The following CNTNAP5 variants were observed in gnomAD, a reference collection of about 807,000 sequenced individuals.
CNTNAP5 encodes contactin-associated protein-like 5.
Under a neutral mutation model 150.2 loss-of-function variants are expected in CNTNAP5, and 72 were observed. The ratio of observed to expected loss-of-function variants is 0.48; its 90% CI spans 0.40 to 0.58. The LOEUF (loss-of-function observed/expected upper bound fraction) is 0.58. Among genes scored for constraint, CNTNAP5 ranks in the 20% least tolerant of loss-of-function variants. CNTNAP5 has a pLI of 0.00. For synonymous variants in CNTNAP5, 672 were observed against 619.8 expected (o/e 1.08, Z -1.25); for missense variants, 1,636 against 1,626.2 (o/e 1.01, Z -0.10).
intron 1 of CNTNAP5, among the ~76,000 whole-genome samples, chr2:124,096,026 C>T (rs575320638): frequency 6.6e-6 from 1 of 152,274 alleles, no homozygotes; most frequent in Admixed American, 6.5e-5. Context: ...TCAAACTGCT[C>T]TTAAAGATTT....
chr2:124,565,155 A>G (rs751603483), intron 11 of CNTNAP5, among the ~76,000 whole-genome samples: 4 of 152,220 alleles, frequency 2.6e-5, no homozygotes, highest in African/African-American at 9.6e-5. Flanking sequence ...GATGATGTCC[A>G]TAGGGAAGTC....
At chr2:124,480,905 T>C (rs1248136291) in intron 7 of CNTNAP5, among the ~76,000 whole-genome samples, 1 of 152,132 alleles carries the variant, frequency 6.6e-6, no homozygotes, top group East Asian at 1.9e-4. Flanking sequence ...TTCAGGAAAA[T>C]TGGAATTAAA....
At chr2:124,577,774 C>G (rs557626206) in intron 11 of CNTNAP5, among the ~76,000 whole-genome samples, 360 of 152,212 alleles carry the variant, frequency 2.4e-3, no homozygotes, top group South Asian at 9.1e-3. Flanking sequence ...TTGAGCCAAA[C>G]CCTGTGGCAT....
intron 3 of CNTNAP5, among the ~76,000 whole-genome samples, chr2:124,260,884 C>A (rs371340164): frequency 1.3e-5 from 2 of 152,084 alleles, no homozygotes; most frequent in African/African-American, 4.8e-5. Flanking sequence ...TATAGACACA[C>A]GTACACAAAT....
chr2:124,309,201 T>C (rs1688764760), intron 3 of CNTNAP5, among the ~76,000 whole-genome samples: 1 of 152,200 alleles, frequency 6.6e-6, no homozygotes, highest in African/African-American at 2.4e-5. Flanking sequence ...TTAAAACGTC[T>C]TGCTGTACTG....
chr2:124,723,346 G>A (rs1341271999), intron 13 of CNTNAP5, among the ~76,000 whole-genome samples: 1 of 151,996 alleles, frequency 6.6e-6, no homozygotes, highest in Admixed American at 6.6e-5. Context: ...TCAATTTCCA[G>A]TAACATGCTC....
At chr2:124,471,775 G>C (rs1693521712) in intron 6 of CNTNAP5, among the ~76,000 whole-genome samples, 1 of 151,936 alleles carries the variant, frequency 6.6e-6, no homozygotes, top group Admixed American at 6.6e-5. Context: ...TAACATGAAG[G>C]GATGTTGAAT....
At chr2:124,046,723 T>C (rs929365693) in intron 1 of CNTNAP5, among the ~76,000 whole-genome samples, 1 of 151,948 alleles carries the variant, frequency 6.6e-6, no homozygotes, top group Admixed American at 6.5e-5. Flanking sequence ...AAGAAGACAA[T>C]TGGGTTTTTA....
At chr2:124,242,018 T>C (rs1686898958) in intron 2 of CNTNAP5, among the ~76,000 whole-genome samples, 182 bp from the exon 3 acceptor site, 1 of 152,044 alleles carries the variant, frequency 6.6e-6, no homozygotes, top group South Asian at 2.1e-4. Flanking sequence ...GAGAGAGATT[T>C]TGATGGAGGT....
At chr2:124,275,829 G>C (rs1278933313) in intron 3 of CNTNAP5, among the ~76,000 whole-genome samples, 2 of 151,984 alleles carry the variant, frequency 1.3e-5, no homozygotes, top group African/African-American at 4.8e-5. Context: ...CAAACTACAT[G>C]ATCTGAATTT....
intron 3 of CNTNAP5, among the ~76,000 whole-genome samples, chr2:124,384,797 C>T (rs1356777783): frequency 6.6e-6 from 1 of 152,186 alleles, no homozygotes; most frequent in African/African-American, 2.4e-5. Context: ...CCCCAGCGTT[C>T]TAACCCGCAA....
intron 3 of CNTNAP5, among the ~76,000 whole-genome samples, chr2:124,340,940 G>A (rs1689599903): frequency 6.6e-6 from 1 of 150,470 alleles, no homozygotes; most frequent in South Asian, 2.1e-4. Flanking sequence ...GGTGGGAAGG[G>A]TGGTGTGCAC....
chr2:124,678,125 C>T (rs553002200), intron 13 of CNTNAP5, among the ~76,000 whole-genome samples: 1 of 151,886 alleles, frequency 6.6e-6, no homozygotes, highest in South Asian at 2.1e-4. Context: ...TGGGATCCTC[C>T]CTTACTGTCA....
At chr2:124,444,877 G>T (rs56968293) in intron 5 of CNTNAP5, among the ~76,000 whole-genome samples, 12,066 of 152,098 alleles carry the variant, frequency 0.079, 693 homozygotes, top group South Asian at 0.17. Flanking sequence ...TGCATAAGGA[G>T]GGTTTCACAG....
chr2:124,860,847 G>A (rs896217758), intron 19 of CNTNAP5, among the ~76,000 whole-genome samples: 8 of 152,012 alleles, frequency 5.3e-5, no homozygotes, highest in African/African-American at 1.7e-4. Flanking sequence ...GTATGGGAGA[G>A]TCAACCTAAT....
chr2:124,326,054 TA>T (rs149060289), intron 3 of CNTNAP5, among the ~76,000 whole-genome samples: 1,832 of 152,230 alleles, frequency 0.012, 41 homozygotes, highest in African/African-American at 0.042. Context: ...AGATAACAAA[TA>T]AGTAATACAT....
chr2:124,777,813 G>GTA (rs1558771663), intron 17 of CNTNAP5, among the ~76,000 whole-genome samples: 1 of 149,790 alleles, frequency 6.7e-6, no homozygotes, highest in Non-Finnish European at 1.5e-5. Flanking sequence ...GTGTGTGTGT[G>GTA]TGTGTGTGTG....
intron 2 of CNTNAP5, among the ~76,000 whole-genome samples, chr2:124,222,075 AGC>A (rs1686335571): frequency 1.3e-5 from 2 of 152,148 alleles, no homozygotes; most frequent in African/African-American, 2.4e-5. Flanking sequence ...CTTTATAAAA[AGC>A]ACTTGCTTTA....
intron 1 of CNTNAP5, among the ~76,000 whole-genome samples, chr2:124,121,655 A>G (rs747160729): frequency 5.3e-5 from 8 of 152,124 alleles, no homozygotes; most frequent in Non-Finnish European, 1.0e-4. Context: ...GAAAATTATG[A>G]GGTATTTTAA....
Sources: gnomAD v4.1 joint callset for allele counts (sites outside exome capture counted in the v4.1 genomes callset) on GRCh38, gnomAD v4.1.1 for gene constraint, MANE v1.5 for transcripts, NCBI Gene and HGNC (gene_info 2026-07-23, HGNC 2026-07-21) for gene names.